The following FGF3 variants were observed in gnomAD, a reference collection of about 807,000 sequenced individuals.
The protein encoded by FGF3 is FGF-3.
FGF3 carries 7 observed loss-of-function variants against 9.8 expected under a neutral mutation model. That is an observed-to-expected ratio of 0.72 (90% CI 0.41 to 1.35). The LOEUF (loss-of-function observed/expected upper bound fraction) is 1.35, where lower values mean the gene tolerates loss of function less well. FGF3 is among the 40% of genes most tolerant of loss of function. The probability of loss-of-function intolerance (pLI) is 0.01; values close to 1 mark genes in which losing one functional copy is unlikely to be tolerated. For synonymous variants in FGF3, 173 were observed against 157.2 expected (o/e 1.10, Z -0.75); for missense variants, 390 against 345.6 (o/e 1.13, Z -1.02).
intron 1 of FGF3, chr11:69,817,559 G>A (rs1402906062): frequency 1.3e-5 from 2 of 152,362 alleles, no homozygotes; most frequent in Admixed American, 1.3e-4. Flanking sequence ...TTAGTGAGAC[G>A]AATTCCGCGC....
intron 2 of FGF3, among the ~76,000 whole-genome samples, chr11:69,815,039 G>A (rs1208430888): frequency 1.3e-5 from 2 of 151,934 alleles, no homozygotes; most frequent in South Asian, 2.1e-4. Context: ...GAGTGGGTGG[G>A]TGGATGGATG....
chr11:69,816,897 G>C (rs1384053524), intron 1 of FGF3, among the ~76,000 whole-genome samples: 3 of 152,192 alleles, frequency 2.0e-5, no homozygotes, highest in Non-Finnish European at 4.4e-5. Context: ...GGAAAGCTGG[G>C]CCCTGATGAG....
rs144929521 is a variant in FGF3, at chr11:69,813,523, G to A, written c.324+2797C>T. 3.2e-3 allele frequency among the ~76,000 whole-genome samples: 477 copies of A among 150,852 alleles called. 2 individuals carry two copies. The highest frequency in any genetic ancestry group is 0.017 in the Middle Eastern group (5 of 288). ...GTGCCCAGGACACTGACTGGTGAAC[G>A]AAGGACTGAATGTCAGATGGGTGGG... On this transcript the variant is annotated intron_variant, in intron 2 of 2. Coordinates refer to ENST00000334134, the MANE Select transcript of FGF3 (RefSeq NM_005247.4).
At chr11:69,818,647 G>T in intron 1 of FGF3, 67 bp downstream of exon 1, 1 of 1,226,910 alleles carries the variant, frequency 8.2e-7, no homozygotes, top group South Asian at 1.8e-5. Context: ...CCCGCAGCGC[G>T]CCTTCTCCCG....
rs1434810965 is a variant in FGF3, at chr11:69,818,888, AG to A, written c.45del (p.Trp16GlyfsTer63). 6 of 1,464,698 alleles carry A rather than the reference AG, an allele frequency of 4.1e-6. No homozygotes were observed. The highest frequency in any genetic ancestry group is 2.5e-5 in the Admixed American group (1 of 40,668). 90.7% of individuals were successfully genotyped at this position (1,464,698 alleles called of 1,614,324 possible). A position where few individuals can be genotyped will look rare whatever the true frequency, so the allele number is the denominator to read the frequency against. ...CGCGCCCCAGGGCCCGCTGCGGGCC[AG>A]CCGGGCTCCAGCAGGCTGAGCAGTA... ...WLLLLSLLEP[G>X]WPAAGPGARL... On this transcript the variant is annotated frameshift_variant, in exon 1 of 3. Coordinates refer to ENST00000334134, the MANE Select transcript of FGF3 (RefSeq NM_005247.4). LOFTEE classifies it high-confidence loss of function.
At chr11:69,811,858 G>A (rs1043235282) in intron 2 of FGF3, among the ~76,000 whole-genome samples, 1 of 152,238 alleles carries the variant, frequency 6.6e-6, no homozygotes, top group Admixed American at 6.5e-5. Context: ...GGGCAGAAGG[G>A]ACCCTGCCCT....
chr11:69,814,626 G>T (rs1191758836), intron 2 of FGF3, among the ~76,000 whole-genome samples: 1 of 152,114 alleles, frequency 6.6e-6, no homozygotes, highest in East Asian at 1.9e-4. Flanking sequence ...CTGGCCGCAC[G>T]CAGGACTGTG....
intron 2 of FGF3, among the ~76,000 whole-genome samples, chr11:69,812,938 G>C (rs1856051754): frequency 6.7e-6 from 1 of 149,664 alleles, no homozygotes; most frequent in South Asian, 2.1e-4. Flanking sequence ...CTGACACGTG[G>C]TAGGGCACCT....
rs1856196697 is a variant in FGF3 at position 69,819,090 on chromosome 11, G to A, written c.-157C>T. On this transcript the variant is annotated 5_prime_UTR_variant, in exon 1 of 3. Coordinates refer to ENST00000334134, the MANE Select transcript of FGF3 (RefSeq NM_005247.4). Reference sequence around the variant, plus strand: ...GCGGGAAAGGTGGGGGAAGAAGGGGGAAGGGTGGGCGAGAGAGAGAAAGAG... The same window carrying A: ...GCGGGAAAGGTGGGGGAAGAAGGGGAAAGGGTGGGCGAGAGAGAGAAAGAG... 9 of 453,836 alleles carry A rather than the reference G, an allele frequency of 2.0e-5. No homozygotes were observed. Among genetic ancestry groups the A allele is most frequent in the Admixed American group, 4.5e-5 (1 of 22,396 alleles). 28.1% of individuals were successfully genotyped at this position (453,836 alleles called of 1,614,324 possible). A position where few individuals can be genotyped will look rare whatever the true frequency, so the allele number is the denominator to read the frequency against.
At chr11:69,813,444 T>C (rs1045476932) in intron 2 of FGF3, among the ~76,000 whole-genome samples, 1 of 152,238 alleles carries the variant, frequency 6.6e-6, no homozygotes, top group African/African-American at 2.4e-5. Flanking sequence ...TGGGCTGATT[T>C]GCTTTTTTAG....
intron 2 of FGF3, among the ~76,000 whole-genome samples, chr11:69,815,085 G>T (rs574337457): frequency 4.6e-5 from 7 of 151,274 alleles, no homozygotes; most frequent in Admixed American, 3.9e-4. Context: ...ATGGGTGAGT[G>T]GATGAGTGGA....
intron 2 of FGF3, among the ~76,000 whole-genome samples, chr11:69,811,214 G>A (rs1038098447): frequency 1.3e-5 from 2 of 152,120 alleles, no homozygotes; most frequent in Admixed American, 6.5e-5. Flanking sequence ...TTGGGAGGCC[G>A]AGGCAGGTGA....
At chr11:69,811,463 A>AG (rs1180130848) in intron 2 of FGF3, among the ~76,000 whole-genome samples, 8 of 149,630 alleles carry the variant, frequency 5.3e-5, no homozygotes, top group African/African-American at 2.0e-4. Context: ...AAAAAAAAAA[A>AG]AAAAGAAAAG....
rs2119906247 is a variant in FGF3, at chr11:69,810,623, G to A, written c.402C>T (p.Tyr134=). Residue 134 remains tyrosine, a synonymous_variant, in exon 3 of 3, where the codon TAC becomes TAT. Coordinates refer to ENST00000334134, the MANE Select transcript of FGF3 (RefSeq NM_005247.4). The part of the protein sequence containing the change: ...LGYNTYASRL[Y]RTVSSTPGAR... ...CCCCAGGCGTACTAGACACCGTCCG[G>A]TACAGCCGGGAGGCATACGTATTAT... 6.2e-7 allele frequency: 1 copy of A among 1,606,298 alleles called. No individual in the cohort carries two copies. Among genetic ancestry groups the A allele is most frequent in the African/African-American group, 1.3e-5 (1 of 74,914 alleles).
At chr11:69,817,504 T>C (rs1856155066) in intron 1 of FGF3, 1 of 152,232 alleles carries the variant, frequency 6.6e-6, no homozygotes, top group Non-Finnish European at 1.5e-5. Flanking sequence ...TTGGATGCTG[T>C]GCGACTCCGA....
Position 69,810,694 on chromosome 11 carries a change from A to G in FGF3, c.331T>C (p.Tyr111His), listed in dbSNP as rs1554980380. The part of the protein sequence containing the change: ...KRGRLYASEH[Y>H]SAECEFVERI... ...TCCACAAACTCGCACTCGGCGCTGT[A>G]GTGCTCCTGCGGGGATGAGATATCA... Residue 111 changes from tyrosine (Y) to histidine (H), a missense_variant, in exon 3 of 3, where the codon TAC becomes CAC. Physicochemically the swap from Tyr to His is moderately conservative, Grantham distance 83 (BLOSUM62 2). Transcript: ENST00000334134. 3 of 1,584,460 alleles carry G rather than the reference A, an allele frequency of 1.9e-6. No individual in the cohort carries two copies. The highest frequency in any genetic ancestry group is 2.6e-6 in the Non-Finnish European group (3 of 1,161,868).
chr11:69,818,690 G>T, intron 1 of FGF3, 24 bp downstream of exon 1: 1 of 1,451,356 alleles, frequency 6.9e-7, no homozygotes, highest in South Asian at 1.3e-5. Context: ...CTTCCCCCGG[G>T]GCCCCGCAGC....
Position 69,818,935 on chromosome 11 carries a change from G to C in FGF3, c.-2C>G. 6.8e-7 allele frequency: 1 copy of C among 1,463,802 alleles called. No homozygotes were observed. The highest frequency in any genetic ancestry group is 9.0e-7 in the Non-Finnish European group (1 of 1,111,900). The allele number at this position is 1,463,802 out of a possible 1,614,324, so 90.7% of individuals were successfully genotyped here. ...CAGTAGCAGCCAGATTAGGCCCATC[G>C]TGGCATCGCGCCCGCCCCGCGGCGG... On this transcript the variant is annotated 5_prime_UTR_variant, in exon 1 of 3. Coordinates refer to ENST00000334134, the MANE Select transcript of FGF3 (RefSeq NM_005247.4).
chr11:69,818,737 C>T lies in FGF3; in HGVS notation c.197G>A (p.Gly66Asp), dbSNP rs1554981387. 1 of 1,494,022 alleles carries T rather than the reference C, an allele frequency of 6.7e-7. No individual in the cohort carries two copies. The highest frequency in any genetic ancestry group is 8.9e-7 in the Non-Finnish European group (1 of 1,128,364). 92.5% of individuals were successfully genotyped at this position (1,494,022 alleles called of 1,614,324 possible). A position where few individuals can be genotyped will look rare whatever the true frequency, so the allele number is the denominator to read the frequency against. The change falls in exon 1 of 3, where the codon GGC becomes GAC. Residue 66 changes from glycine to aspartate, a missense_variant. Coordinates refer to ENST00000334134, the MANE Select transcript of FGF3 (RefSeq NM_005247.4). The stretch of plus-strand genomic sequence containing the variant: ...ACTGTAGGCGCTGTTCTCCAGGCTG[C>T]CGTTGACGCGGCCGCTCGGGTGCAG... The part of the protein sequence containing the change: ...LQLHPSGRVN[G>D]SLENSAYSIL...
Sources: gnomAD v4.1 joint callset for allele counts (sites outside exome capture counted in the v4.1 genomes callset) on GRCh38, gnomAD v4.1.1 for gene constraint, MANE v1.5 for transcripts, NCBI Gene and HGNC (gene_info 2026-07-23, HGNC 2026-07-21) for gene names.